Variants in WDR59 observed in about 807,000 individuals in gnomAD.
The protein encoded by WDR59 is GATOR2 complex protein WDR59.
WDR59 carries 100 observed loss-of-function variants against 131.2 expected under a neutral mutation model. The observed-to-expected ratio is 0.76, with a 90% CI of 0.65 to 0.90. WDR59 has a LOEUF of 0.90. WDR59 is among the 40% of genes least tolerant of loss of function. The pLI is 0.00. For missense variants in WDR59, 1,203 were observed against 1,262.2 expected (o/e 0.95, Z 0.71); for synonymous variants, 601 against 466.2 (o/e 1.29, Z -3.72).
rs776270284 is a variant in WDR59 at position 74,916,002 on chromosome 16, G to T, written c.1100-8C>A. 1.2e-5 allele frequency: 19 copies of T among 1,614,184 alleles called. No individual in the cohort carries two copies. In the East Asian group the frequency reaches 4.2e-4, roughly 36 times the overall value. ...GGGGATCTTCTTTTAGGGCTAGCAG[G>T]AGAGAGAAGTTCAATGTTGGAAAGC... On this transcript the variant is annotated splice_region_variant and splice_polypyrimidine_tract_variant and intron_variant, in intron 12 of 25. Transcript: ENST00000262144.
intron 14 of WDR59, 200 bp downstream of exon 14, chr16:74,911,998 C>CA: frequency 3.2e-6 from 2 of 633,970 alleles, no homozygotes; most frequent in Non-Finnish European, 5.2e-6. Context: ...GTCTATGACC[C>CA]AAAAAAGGTT....
At chr16:74,911,338 C>T (rs1234601092) in intron 14 of WDR59, among the ~76,000 whole-genome samples, 2 of 152,176 alleles carry the variant, frequency 1.3e-5, no homozygotes, top group African/African-American at 2.4e-5. Context: ...GATCCTTAAG[C>T]CACTTGAAAA....
intron 25 of WDR59, among the ~76,000 whole-genome samples, chr16:74,878,046 G>C (rs2144754424): frequency 6.6e-6 from 1 of 152,288 alleles, no homozygotes. Flanking sequence ...ATGACAAGTG[G>C]CCAACACTAC....
chr16:74,962,909 G>C (rs890216177), intron 2 of WDR59: 1 of 151,710 alleles, frequency 6.6e-6, no homozygotes, highest in African/African-American at 2.4e-5. Flanking sequence ...AATACCATTT[G>C]ACCCAGCAAT....
At chr16:74,899,592 C>A in intron 18 of WDR59, 1 of 935,834 alleles carries the variant, frequency 1.1e-6, no homozygotes. Context: ...GAAAACAGCT[C>A]GCCTGTCATT....
intron 8 of WDR59, among the ~76,000 whole-genome samples, chr16:74,935,370 T>C (rs1802707209): frequency 6.6e-6 from 1 of 152,168 alleles, no homozygotes; most frequent in African/African-American, 2.4e-5. Flanking sequence ...TATAAACTCA[T>C]TTAATTGTAG....
chr16:74,930,166 T>C (rs2031249980), intron 8 of WDR59, among the ~76,000 whole-genome samples: 2 of 152,154 alleles, frequency 1.3e-5, no homozygotes, highest in South Asian at 4.1e-4. Flanking sequence ...AATAATTTAT[T>C]GTACATTTAA....
At chr16:74,881,872 CAAAA>C (rs1231563634) in intron 25 of WDR59, among the ~76,000 whole-genome samples, 1 of 48,464 alleles carries the variant, frequency 2.1e-5, no homozygotes, top group Non-Finnish European at 4.3e-5. Context: ...GACTCCGTCT[CAAAA>C]AAAAAAAAAA....
intron 8 of WDR59, among the ~76,000 whole-genome samples, chr16:74,937,692 A>G (rs2031912733): frequency 6.6e-6 from 1 of 152,096 alleles, no homozygotes; most frequent in East Asian, 1.9e-4. Flanking sequence ...AGTAGAGACT[A>G]GGTTTCACCA....
chr16:74,970,151 C>T (rs2145211072), intron 1 of WDR59, among the ~76,000 whole-genome samples: 1 of 152,196 alleles, frequency 6.6e-6, no homozygotes, highest in Non-Finnish European at 1.5e-5. Flanking sequence ...TCTAGAACTC[C>T]TTTCCCTATT....
intron 1 of WDR59, among the ~76,000 whole-genome samples, chr16:74,970,726 C>A (rs1256484609): frequency 6.6e-6 from 1 of 151,956 alleles, no homozygotes; most frequent in Non-Finnish European, 1.5e-5. Context: ...TTGCTTTGTA[C>A]ACAGAGGTGC....
chr16:74,981,658 A>ATTTTTTTTTTTTTTTTTTTTTTTTT (rs2034430352), intron 1 of WDR59, among the ~76,000 whole-genome samples: 2 of 75,522 alleles, frequency 2.6e-5, no homozygotes, highest in African/African-American at 1.6e-4. Flanking sequence ...ATATATATAT[A>ATTTTTTTTTTTTTTTTTTTTTTTTT]TATTTTTTTT....
chr16:74,917,466 C>A (rs1966447088), intron 11 of WDR59, among the ~76,000 whole-genome samples: 1 of 152,104 alleles, frequency 6.6e-6, no homozygotes, highest in African/African-American at 2.4e-5. Context: ...GACCTCAAAG[C>A]CTTGGTGTGG....
chr16:74,963,283 TG>T (rs970128636), intron 2 of WDR59: 1 of 151,968 alleles, frequency 6.6e-6, no homozygotes, highest in Admixed American at 6.6e-5. Flanking sequence ...TAAAGATACA[TG>T]CACGCATATG....
chr16:74,920,274 CT>C (rs202059133), intron 10 of WDR59, among the ~76,000 whole-genome samples: 8 of 151,998 alleles, frequency 5.3e-5, no homozygotes, highest in Admixed American at 2.0e-4. Context: ...ATATTCAACA[CT>C]TTTTTTTATA....
In WDR59 at chr16:74,889,340, A is replaced by G. The variant is rs1005967916; in HGVS notation, c.2195+363T>C. Among the ~76,000 whole-genome samples, 10 of 152,216 alleles carry G rather than the reference A, an allele frequency of 6.6e-5. 1 individual carries two copies. Reference sequence around the variant, plus strand: ...TGGCAAACATGAACACCAACATGCAATTCTCTAATCCATTCTCAAGGGTGA... The same window carrying G: ...TGGCAAACATGAACACCAACATGCAGTTCTCTAATCCATTCTCAAGGGTGA... On this transcript the variant is annotated intron_variant, in intron 21 of 25. Transcript: ENST00000262144.
At chr16:74,982,010 C>A (rs529182075) in intron 1 of WDR59, among the ~76,000 whole-genome samples, 1 of 140,254 alleles carries the variant, frequency 7.1e-6, no homozygotes, top group African/African-American at 2.6e-5. Flanking sequence ...AATCCCAGCA[C>A]TTTGGGAAGC....
At chr16:74,930,052 C>T (rs1016000422) in intron 8 of WDR59, among the ~76,000 whole-genome samples, 1 of 151,754 alleles carries the variant, frequency 6.6e-6, no homozygotes, top group African/African-American at 2.4e-5. Flanking sequence ...TGGGGTAGAG[C>T]GGGGGGAGCC....
chr16:74,973,676 C>T (rs575007380), intron 1 of WDR59, among the ~76,000 whole-genome samples: 1 of 152,326 alleles, frequency 6.6e-6, no homozygotes, highest in Non-Finnish European at 1.5e-5. Context: ...AGGGGTGTTG[C>T]TCAGGAAGTC....
Sources: gnomAD v4.1 joint callset for allele counts (sites outside exome capture counted in the v4.1 genomes callset) on GRCh38, gnomAD v4.1.1 for gene constraint, MANE v1.5 for transcripts, NCBI Gene and HGNC (gene_info 2026-07-23, HGNC 2026-07-21) for gene names.